Variants in RSF1 observed in about 807,000 individuals in gnomAD.
RSF1 encodes HBV pX-associated protein 8.
A neutral mutation model predicts 145.2 loss-of-function variants in RSF1; 13 were observed. That is an observed-to-expected ratio of 0.09 (90% CI 0.06 to 0.14). RSF1 has a LOEUF of 0.14. Among genes scored for constraint, RSF1 ranks in the 10% least tolerant of loss-of-function variants. The pLI is 1.00. For missense variants in RSF1, 1,517 were observed against 1,718.2 expected (o/e 0.88, Z 2.07); for synonymous variants, 577 against 592.6 (o/e 0.97, Z 0.38).
intron 1 of RSF1, among the ~76,000 whole-genome samples, chr11:77,783,119 A>G (rs1948420330): frequency 6.6e-6 from 1 of 152,178 alleles, no homozygotes; most frequent in Non-Finnish European, 1.5e-5. Context: ...TTAACTCAAT[A>G]CAGTCTACTA....
chr11:77,667,354 G>T lies in RSF1; in HGVS notation c.3889C>A (p.Arg1297Ser). The part of the protein sequence containing the change: ...EEEEEEGKPS[R>S]KRLHRIETDE... ...GTCTCAATCCGGTGTAGCCGTTTGC[G>T]GGATGGTTTGCCTTCCTCTTCCTCC... The change falls in exon 16 of 16, where the codon CGC (arginine) becomes AGC (serine). Residue 1297 changes from arginine to serine, a missense_variant. Arg to Ser is a moderately radical substitution (Grantham distance 110). This residue lies in a region of RSF1 where 240 missense variants were observed against 231.8 expected (regional missense o/e 1.04). Coordinates refer to ENST00000308488, the MANE Select transcript of RSF1 (RefSeq NM_016578.4). 1 of 1,613,870 alleles carries T rather than the reference G, an allele frequency of 6.2e-7. No homozygotes were observed. The highest frequency in any genetic ancestry group is 1.3e-5 in the African/African-American group (1 of 74,982).
In RSF1 at chr11:77,700,843, C is replaced by G; in HGVS notation, c.2386G>C (p.Ala796Pro). The G allele has an allele frequency of 6.2e-7, 1 of 1,613,472 alleles. No individual in the cohort carries two copies. Among genetic ancestry groups the G allele is most frequent in the African/African-American group, 1.3e-5 (1 of 75,004 alleles). Reference sequence around the variant, plus strand: ...TCTCCTTCCCCTCTTTTTTTATCAGCTTTCTGATCTCTGATCTCAGCCACT... The same window carrying G: ...TCTCCTTCCCCTCTTTTTTTATCAGGTTTCTGATCTCTGATCTCAGCCACT... ...AKVAEIRDQKADKKRGEGEDE... is the reference protein window; with the variant it reads ...AKVAEIRDQKPDKKRGEGEDE... The change falls in exon 6 of 16, where the codon GCT (alanine) becomes CCT (proline). Residue 796 changes from alanine to proline, a missense_variant. Physicochemically the swap from Ala to Pro is conservative, Grantham distance 27. This residue lies in a region of RSF1 where 579 missense variants were observed against 553.5 expected (regional missense o/e 1.05). Coordinates refer to ENST00000308488, the MANE Select transcript of RSF1 (RefSeq NM_016578.4).
chr11:77,869,836 A>G, the RSF1 span: 1 of 1,604,592 alleles, frequency 6.2e-7, no homozygotes. Flanking sequence ...TGGTATGCAC[A>G]GCATTCCTGA....
At chr11:77,771,838 CTATT>C (rs1948288740) in intron 1 of RSF1, among the ~76,000 whole-genome samples, 1 of 152,124 alleles carries the variant, frequency 6.6e-6, no homozygotes, top group Non-Finnish European at 1.5e-5. Flanking sequence ...ATAAATATGA[CTATT>C]TAGGAAGACA....
chr11:77,710,762 C>T lies in RSF1; in HGVS notation c.734-8267G>A, dbSNP rs567204901. On this transcript the variant is annotated intron_variant, in intron 5 of 15. Transcript: ENST00000308488. ...CATTCCCATTCTATCATTCATTCATCTGTGACTAGTTGGAATACTTTTATA... is the reference window on the plus strand; with the variant it reads ...CATTCCCATTCTATCATTCATTCATTTGTGACTAGTTGGAATACTTTTATA... 2.6e-5 allele frequency among the ~76,000 whole-genome samples: 4 copies of T among 152,274 alleles called. No homozygotes were observed. In the South Asian group the frequency reaches 8.3e-4, roughly 32 times the overall value.
intron 1 of RSF1, among the ~76,000 whole-genome samples, chr11:77,817,850 T>C (rs549109200): frequency 6.6e-6 from 1 of 152,322 alleles, no homozygotes; most frequent in East Asian, 1.9e-4. Flanking sequence ...TATCATTTTA[T>C]CAGCTATTTG....
chr11:77,793,551 A>C (rs1221911644), intron 1 of RSF1, among the ~76,000 whole-genome samples: 1 of 152,256 alleles, frequency 6.6e-6, no homozygotes, highest in Non-Finnish European at 1.5e-5. Flanking sequence ...TTCACCAGTA[A>C]AGACACATAT....
chr11:77,835,356 G>T, the RSF1 span, among the ~76,000 whole-genome samples: 6 of 152,104 alleles, frequency 3.9e-5, no homozygotes, highest in Non-Finnish European at 8.8e-5. Flanking sequence ...GCTGAAACCT[G>T]GAAGCCACCT....
At chr11:77,697,452 ATATAT>A (rs1217458908) in intron 7 of RSF1, among the ~76,000 whole-genome samples, 2 of 28,548 alleles carry the variant, frequency 7.0e-5, no homozygotes, top group Non-Finnish European at 1.3e-4. Context: ...ATATATATAA[ATATAT>A]TATATAAAAT....
At chr11:77,781,465 A>T (rs1948403706) in intron 1 of RSF1, among the ~76,000 whole-genome samples, 1 of 152,196 alleles carries the variant, frequency 6.6e-6, no homozygotes, top group Non-Finnish European at 1.5e-5. Context: ...GTATAGACAT[A>T]CATTTTTATT....
rs367647952 is a variant in RSF1, at chr11:77,716,866, TTTTC to T, written c.733+8675_733+8678del. On this transcript the variant is annotated intron_variant, in intron 5 of 15. Coordinates refer to ENST00000308488, the MANE Select transcript of RSF1 (RefSeq NM_016578.4). ...ACATTTCACCATAAATATATACAAC[TTTTC>T]TTTGTCAATTAAAAAATTTAAACCC... 2.3e-3 allele frequency among the ~76,000 whole-genome samples: 353 copies of T among 152,246 alleles called. 2 individuals carry two copies. Among genetic ancestry groups the T allele is most frequent in the Admixed American group, 9.1e-3 (139 of 15,296 alleles).
At chr11:77,840,966 C>T in the RSF1 span, 1 of 492,874 alleles carries the variant, frequency 2.0e-6, no homozygotes, top group Non-Finnish European at 3.6e-6. Flanking sequence ...TAACTGAATA[C>T]CTGAAACTGG....
At chr11:77,720,654 T>C (rs1218108434) in intron 5 of RSF1, among the ~76,000 whole-genome samples, 3 of 152,208 alleles carry the variant, frequency 2.0e-5, no homozygotes, top group Non-Finnish European at 4.4e-5. Context: ...AAATAAAGTT[T>C]CAGATGTTCC....
intron 1 of RSF1, among the ~76,000 whole-genome samples, chr11:77,771,804 T>C (rs1565175590): frequency 6.6e-6 from 1 of 152,206 alleles, no homozygotes; most frequent in Non-Finnish European, 1.5e-5. Context: ...TTGGCTGCAC[T>C]GTGAGGAACA....
At chr11:77,829,801 A>G in the RSF1 span, 2 of 152,346 alleles carry the variant, frequency 1.3e-5, no homozygotes, top group East Asian at 3.9e-4. Flanking sequence ...ACATGTATCA[A>G]AAAGTCAAGA....
intron 1 of RSF1, among the ~76,000 whole-genome samples, chr11:77,779,237 T>C (rs577140037): frequency 1.3e-3 from 193 of 152,194 alleles, no homozygotes; most frequent in African/African-American, 4.4e-3. Context: ...AGACAGAGTC[T>C]CACTCTGTTA....
intron 1 of RSF1, among the ~76,000 whole-genome samples, chr11:77,776,829 T>C (rs1948347026): frequency 6.6e-6 from 1 of 152,172 alleles, no homozygotes. Context: ...GTCTGAAGAC[T>C]TCTAAAGGAA....
At chr11:77,759,765 T>C (rs1443190599) in intron 2 of RSF1, among the ~76,000 whole-genome samples, 1 of 152,016 alleles carries the variant, frequency 6.6e-6, no homozygotes, top group African/African-American at 2.4e-5. Flanking sequence ...TGTTCAATCC[T>C]TGCTTCACCA....
intron 4 of RSF1, among the ~76,000 whole-genome samples, chr11:77,737,625 T>C (rs1309749436): frequency 4.7e-4 from 37 of 78,512 alleles, no homozygotes; most frequent in South Asian, 1.2e-3. Flanking sequence ...TTGGGGGGTG[T>C]GTGTGTGTGT....
Sources: gnomAD v4.1 joint callset for allele counts (sites outside exome capture counted in the v4.1 genomes callset) on GRCh38, gnomAD v4.1.1 for gene constraint, gnomAD v4.1.1 regional missense constraint, MANE v1.5 for transcripts, NCBI Gene and HGNC (gene_info 2026-07-23, HGNC 2026-07-21) for gene names.